Variants in AGBL1 observed in about 807,000 individuals in gnomAD.
The protein encoded by AGBL1 is AGBL carboxypeptidase 1, also known as cytosolic carboxypeptidase 4.
A neutral mutation model predicts 118.9 loss-of-function variants in AGBL1; 130 were observed. That is an observed-to-expected ratio of 1.09 (90% CI 0.95 to 1.26). The LOEUF is 1.26. Among genes scored for constraint, AGBL1 ranks in the 50% most tolerant of loss-of-function variants. AGBL1 has a pLI of 0.00. For synonymous variants in AGBL1, 555 were observed against 478.9 expected (o/e 1.16, Z -2.08); for missense variants, 1,584 against 1,298.1 (o/e 1.22, Z -3.38).
intron 21 of AGBL1, among the ~76,000 whole-genome samples, chr15:86,593,110 T>G (rs896346904): frequency 4.6e-5 from 7 of 152,202 alleles, no homozygotes; most frequent in Admixed American, 3.9e-4. Context: ...TGTCATTATT[T>G]ATTTTATTGT....
At chr15:86,306,332 G>T (rs2079840005) in intron 17 of AGBL1, among the ~76,000 whole-genome samples, 1 of 151,916 alleles carries the variant, frequency 6.6e-6, no homozygotes, top group African/African-American at 2.4e-5. Context: ...CAAGCCTCTG[G>T]TAACCATCCT....
At chr15:86,220,208 T>C (rs1217652608) in intron 5 of AGBL1, among the ~76,000 whole-genome samples, 1 of 152,204 alleles carries the variant, frequency 6.6e-6, no homozygotes, top group East Asian at 1.9e-4. Context: ...TGCCTCGGCC[T>C]CCCAAAGTGC....
chr15:86,414,199 G>A (rs2081659026), intron 18 of AGBL1, among the ~76,000 whole-genome samples: 1 of 152,164 alleles, frequency 6.6e-6, no homozygotes, highest in Non-Finnish European at 1.5e-5. Context: ...GAGGAGGTGG[G>A]TGATGAGAAA....
chr15:86,827,287 GTATGTATATATA>G (rs1417016324), intron 22 of AGBL1, among the ~76,000 whole-genome samples: 1 of 86,036 alleles, frequency 1.2e-5, no homozygotes, highest in Non-Finnish European at 2.4e-5. Context: ...CAATGGGTGT[GTATGTATATATA>G]TATGTATATA....
intron 18 of AGBL1, among the ~76,000 whole-genome samples, chr15:86,461,593 A>G (rs1055967643): frequency 1.3e-5 from 2 of 152,190 alleles, no homozygotes; most frequent in Non-Finnish European, 2.9e-5. Context: ...CTGAAAACAC[A>G]ATTTTAAAAA....
At chr15:86,700,751 T>C (rs1187855876) in intron 22 of AGBL1, among the ~76,000 whole-genome samples, 1 of 152,124 alleles carries the variant, frequency 6.6e-6, no homozygotes, top group African/African-American at 2.4e-5. Context: ...TCTTTTTCTG[T>C]GCTTCCCTGT....
intron 5 of AGBL1, among the ~76,000 whole-genome samples, chr15:86,181,001 T>C (rs2077544661): frequency 6.6e-6 from 1 of 152,068 alleles, no homozygotes; most frequent in South Asian, 2.1e-4. Flanking sequence ...GGTTAGAAAT[T>C]AAAAGACTGA....
At position 86,269,946 on chromosome 15, in the gene AGBL1, A is replaced by G; in HGVS notation, c.1866A>G (p.Ala622=). 1.5e-5 allele frequency: 24 copies of G among 1,613,952 alleles called. No homozygotes were observed. Among genetic ancestry groups the G allele is most frequent in the Non-Finnish European group, 1.9e-5 (23 of 1,179,852 alleles). The change falls in exon 14 of 23, where the codon GCA becomes GCG. Residue 622 remains alanine (A), a synonymous_variant. Coordinates refer to ENST00000614907, the MANE Select transcript of AGBL1 (RefSeq NM_001386094.1). ...TCGAGTATGACTTGCTGGTCAACGC[A>G]GATGTGAATAGCACCCAGCACCAGC... ...REFEYDLLVN[A]DVNSTQHQQW...
intron 21 of AGBL1, among the ~76,000 whole-genome samples, chr15:86,573,583 C>T (rs1366853879): frequency 6.6e-6 from 1 of 152,312 alleles, no homozygotes; most frequent in South Asian, 2.1e-4. Flanking sequence ...TGTCTTTCAT[C>T]CTACTTCCTC....
chr15:86,724,718 G>T (rs908025305), intron 22 of AGBL1, among the ~76,000 whole-genome samples: 2 of 152,120 alleles, frequency 1.3e-5, no homozygotes, highest in Non-Finnish European at 2.9e-5. Context: ...TGGGGTCATG[G>T]GAGTGGATCC....
intron 18 of AGBL1, among the ~76,000 whole-genome samples, chr15:86,460,558 C>T (rs138550381): frequency 7.8e-4 from 118 of 152,142 alleles, no homozygotes; most frequent in African/African-American, 2.7e-3. Flanking sequence ...TCTTGTTAAA[C>T]ATACAGCTTC....
chr15:86,444,089 C>G (rs2082094890), intron 18 of AGBL1, among the ~76,000 whole-genome samples: 1 of 152,140 alleles, frequency 6.6e-6, no homozygotes. Flanking sequence ...CCAGCATTCC[C>G]CTTTCTCCAC....
chr15:86,262,823 G>T lies in AGBL1; in HGVS notation c.1015G>T (p.Gly339Cys). 1 of 1,611,180 alleles carries T rather than the reference G, an allele frequency of 6.2e-7. No individual in the cohort carries two copies. The highest frequency in any genetic ancestry group is 8.5e-7 in the Non-Finnish European group (1 of 1,178,702). ...TDVNKLSSKPGLDRPEEELMQ... is the reference protein window; with the variant it reads ...TDVNKLSSKPCLDRPEEELMQ... ...CGTGAACAAGCTGAGTTCCAAACCT[G>T]GTCTTGACCGACCTGAAGAGGAACT... is the stretch of plus-strand genomic sequence containing the variant. Residue 339 changes from glycine to cysteine, a missense_variant, in exon 10 of 23, where the codon GGT (glycine) becomes TGT (cysteine). Coordinates refer to ENST00000614907, the MANE Select transcript of AGBL1 (RefSeq NM_001386094.1).
At chr15:86,601,563 T>A (rs2084494253) in intron 21 of AGBL1, among the ~76,000 whole-genome samples, 2 of 152,154 alleles carry the variant, frequency 1.3e-5, no homozygotes, top group African/African-American at 2.4e-5. Context: ...AATGCTTTTT[T>A]AAAAAGATAC....
chr15:86,779,215 C>T (rs2078298598), intron 22 of AGBL1, among the ~76,000 whole-genome samples: 1 of 152,198 alleles, frequency 6.6e-6, no homozygotes, highest in South Asian at 2.1e-4. Flanking sequence ...GCCCTTCCCA[C>T]CATGTGAGGA....
intron 24 of AGBL1, among the ~76,000 whole-genome samples, chr15:86,999,361 T>C (rs941465289): frequency 6.9e-6 from 1 of 144,246 alleles, no homozygotes; most frequent in African/African-American, 2.6e-5. Context: ...CCCGATGCTA[T>C]CCCTCCCCCC....
intron 15 of AGBL1, among the ~76,000 whole-genome samples, chr15:86,274,331 A>T (rs186432143): frequency 1.2e-4 from 19 of 152,270 alleles, no homozygotes; most frequent in African/African-American, 4.6e-4. Flanking sequence ...AAAAATGAGA[A>T]TTACCGAGAA....
chr15:86,754,183 A>C (rs190259546), intron 22 of AGBL1, among the ~76,000 whole-genome samples: 40 of 152,234 alleles, frequency 2.6e-4, no homozygotes, highest in Non-Finnish European at 5.4e-4. Context: ...ATTATCAACA[A>C]ATTTAAGGGA....
At chr15:86,084,572 G>C (rs558135205) in intron 1 of AGBL1, among the ~76,000 whole-genome samples, 1 of 152,280 alleles carries the variant, frequency 6.6e-6, no homozygotes, top group African/African-American at 2.4e-5. Flanking sequence ...GGTTTGCATT[G>C]CTTAAGAAAC....
Sources: gnomAD v4.1 joint callset for allele counts (sites outside exome capture counted in the v4.1 genomes callset) on GRCh38, gnomAD v4.1.1 for gene constraint, MANE v1.5 for transcripts, NCBI Gene and HGNC (gene_info 2026-07-23, HGNC 2026-07-21) for gene names.